The following SLC35D4 variants were observed in gnomAD, a reference collection of about 807,000 sequenced individuals.
SLC35D4 encodes the protein UDP-N-acetylglucosamine transporter SLC35D4.
the SLC35D4 span, among the ~76,000 whole-genome samples, chr18:23,283,471 CAAAAAAAAAAAAAAA>C: frequency 1.6e-4 from 7 of 44,436 alleles, no homozygotes; most frequent in African/African-American, 6.1e-4. Context: ...GACCCAGTCT[CAAAAAAAAAAAAAAA>C]AAAAAAAGAA....
chr18:23,266,716 G>A, the SLC35D4 span, among the ~76,000 whole-genome samples: 1 of 152,264 alleles, frequency 6.6e-6, no homozygotes, highest in African/African-American at 2.4e-5. Context: ...GCTCAATGGG[G>A]TGATTATGAG....
the SLC35D4 span, among the ~76,000 whole-genome samples, chr18:23,433,411 C>A: frequency 3.3e-5 from 5 of 152,196 alleles, no homozygotes; most frequent in East Asian, 9.6e-4. Context: ...TTAATAAATT[C>A]TTTGTATTTT....
the SLC35D4 span, among the ~76,000 whole-genome samples, chr18:23,325,341 T>C: frequency 6.6e-6 from 1 of 151,874 alleles, no homozygotes. Flanking sequence ...AGACACAAAA[T>C]ATCAATCAGA....
the SLC35D4 span, among the ~76,000 whole-genome samples, chr18:23,328,240 A>G: frequency 9.8e-5 from 15 of 152,314 alleles, no homozygotes; most frequent in Non-Finnish European, 1.8e-4. Context: ...AGGGTATTCA[A>G]TTAGGAAAAG....
At chr18:23,379,252 T>G in the SLC35D4 span, among the ~76,000 whole-genome samples, 1 of 152,154 alleles carries the variant, frequency 6.6e-6, no homozygotes, top group Admixed American at 6.6e-5. Context: ...GCCTCCCAAG[T>G]AGCTGGGATT....
At chr18:23,427,213 C>T in the SLC35D4 span, among the ~76,000 whole-genome samples, 1 of 152,162 alleles carries the variant, frequency 6.6e-6, no homozygotes, top group Non-Finnish European at 1.5e-5. Context: ...AAAGAACCTA[C>T]CATCAGAGTG....
chr18:23,334,398 C>T, the SLC35D4 span, among the ~76,000 whole-genome samples: 1 of 152,350 alleles, frequency 6.6e-6, no homozygotes. Context: ...CTGTTCCCCA[C>T]ACAATCCTCC....
At chr18:23,376,203 G>A in the SLC35D4 span, among the ~76,000 whole-genome samples, 13 of 152,320 alleles carry the variant, frequency 8.5e-5, no homozygotes, top group Middle Eastern at 3.4e-3. Context: ...GTTTTTATAT[G>A]TACACATAAA....
At chr18:23,325,567 G>A in the SLC35D4 span, among the ~76,000 whole-genome samples, 1 of 152,150 alleles carries the variant, frequency 6.6e-6, no homozygotes, top group African/African-American at 2.4e-5. Flanking sequence ...GCCATTCAAT[G>A]TTAATCTATC....
chr18:23,268,204 A>G, the SLC35D4 span, among the ~76,000 whole-genome samples: 1 of 152,158 alleles, frequency 6.6e-6, no homozygotes, highest in Non-Finnish European at 1.5e-5. Flanking sequence ...ATATGAGGAG[A>G]AATGGGTATT....
At chr18:23,243,040 ATAATT>A in the SLC35D4 span, among the ~76,000 whole-genome samples, 3 of 150,250 alleles carry the variant, frequency 2.0e-5, no homozygotes, top group Admixed American at 6.7e-5. Flanking sequence ...TAGATAAGTT[ATAATT>A]TAATAACATA....
At chr18:23,244,598 C>T in the SLC35D4 span, among the ~76,000 whole-genome samples, 13 of 152,190 alleles carry the variant, frequency 8.5e-5, no homozygotes, top group African/African-American at 2.7e-4. Context: ...TTAACAAGCA[C>T]GGAACAGCTG....
the SLC35D4 span, among the ~76,000 whole-genome samples, chr18:23,361,103 CAA>C: frequency 3.2e-5 from 3 of 94,104 alleles, no homozygotes; most frequent in East Asian, 5.6e-4. Flanking sequence ...GACTTTGTCT[CAA>C]AAAAAAAAAA....
the SLC35D4 span, among the ~76,000 whole-genome samples, chr18:23,362,958 C>A: frequency 6.6e-6 from 1 of 152,082 alleles, no homozygotes; most frequent in African/African-American, 2.4e-5. Context: ...ATTATTCACC[C>A]AGCCGGGCAC....
At chr18:23,270,233 G>C in the SLC35D4 span, among the ~76,000 whole-genome samples, 1 of 152,334 alleles carries the variant, frequency 6.6e-6, no homozygotes, top group South Asian at 2.1e-4. Context: ...TCAGGTCATG[G>C]CTTCAGAGGG....
chr18:23,283,939 G>T, the SLC35D4 span, among the ~76,000 whole-genome samples: 1 of 152,184 alleles, frequency 6.6e-6, no homozygotes, highest in Non-Finnish European at 1.5e-5. Flanking sequence ...GATTATTCAT[G>T]AGTCTTTCAG....
chr18:23,298,041 G>T, the SLC35D4 span: 1 of 1,613,694 alleles, frequency 6.2e-7, no homozygotes, highest in Non-Finnish European at 8.5e-7. Flanking sequence ...AACCAGCAAG[G>T]CCTCTCCAAG....
chr18:23,269,991 T>A, the SLC35D4 span, among the ~76,000 whole-genome samples: 1 of 152,186 alleles, frequency 6.6e-6, no homozygotes, highest in Non-Finnish European at 1.5e-5. Context: ...GCTGTATAAA[T>A]TTGCATAAAT....
At chr18:23,414,291 A>AAGG in the SLC35D4 span, among the ~76,000 whole-genome samples, 1 of 130,682 alleles carries the variant, frequency 7.7e-6, no homozygotes, top group Non-Finnish European at 1.6e-5. Flanking sequence ...AAGAAAAAGG[A>AAGG]AAGGAGGAAG....
Sources: gnomAD v4.1 joint callset for allele counts (sites outside exome capture counted in the v4.1 genomes callset) on GRCh38, gnomAD v4.1.1 for gene constraint, MANE v1.5 for transcripts, NCBI Gene and HGNC (gene_info 2026-07-23, HGNC 2026-07-21) for gene names.